MACC1: variants seen among roughly 807,000 people sequenced by gnomAD.
MACC1 encodes the protein metastasis-associated in colon cancer protein 1.
A neutral mutation model predicts 70.7 loss-of-function variants in MACC1; 79 were observed. The observed-to-expected ratio is 1.12, with a 90% CI of 0.93 to 1.35. The LOEUF is 1.35. Among genes scored for constraint, MACC1 ranks in the 40% most tolerant of loss-of-function variants. MACC1 has a pLI of 0.00. For synonymous variants in MACC1, 361 were observed against 347.2 expected (o/e 1.04, Z -0.44); for missense variants, 1,106 against 978.1 (o/e 1.13, Z -1.74).
chr7:20,200,482 G>A (rs537796189), intron 1 of MACC1, among the ~76,000 whole-genome samples: 2 of 152,208 alleles, frequency 1.3e-5, no homozygotes, highest in African/African-American at 2.4e-5. Context: ...AATCCTGGAA[G>A]AGAAAGTAAA....
At chr7:20,188,121 T>G (rs1211251504) in intron 1 of MACC1, among the ~76,000 whole-genome samples, 1 of 152,098 alleles carries the variant, frequency 6.6e-6, no homozygotes, top group East Asian at 1.9e-4. Flanking sequence ...TCACTCACTA[T>G]CTCAAGAAGA....
chr7:20,200,317 A>C (rs1430729180), intron 1 of MACC1, among the ~76,000 whole-genome samples: 1 of 152,192 alleles, frequency 6.6e-6, no homozygotes, highest in Non-Finnish European at 1.5e-5. Flanking sequence ...ATAAAGAGAT[A>C]ACAGTTATAT....
chr7:20,200,623 A>C (rs1782820253), intron 1 of MACC1, among the ~76,000 whole-genome samples: 1 of 152,264 alleles, frequency 6.6e-6, no homozygotes, highest in Admixed American at 6.5e-5. Flanking sequence ...GGGATGAAGT[A>C]ATGCACTCAA....
At chr7:20,210,347 T>A (rs1335774112) in intron 1 of MACC1, among the ~76,000 whole-genome samples, 1 of 152,208 alleles carries the variant, frequency 6.6e-6, no homozygotes, top group African/African-American at 2.4e-5. Flanking sequence ...ATCCACAGCC[T>A]AGGTTAGGCA....
chr7:20,158,848 GA>G lies in MACC1; in HGVS notation c.1512del (p.Pro505LeufsTer7). 2.5e-6 allele frequency: 4 copies of G among 1,613,656 alleles called. No homozygotes were observed. Among genetic ancestry groups the G allele is most frequent in the Non-Finnish European group, 3.4e-6 (4 of 1,179,692 alleles). The stretch of plus-strand genomic sequence containing the variant: ...CTTTTTAGGTTTGGGGTTGGATCAG[GA>G]GTAGTGATAGAGAACTGTGCAACTG... ...GEPVAQFSIT[T>X]PDPTPNLKRL... is the part of the protein sequence containing the mutation. On this transcript the variant is annotated frameshift_variant, in exon 5 of 7. Transcript: ENST00000400331. LOFTEE classifies it high-confidence loss of function.
chr7:20,204,901 G>A (rs1004165889), intron 1 of MACC1, among the ~76,000 whole-genome samples: 5 of 152,160 alleles, frequency 3.3e-5, no homozygotes, highest in African/African-American at 4.8e-5. Context: ...CCAGTGAGCA[G>A]AGATTGTACA....
Position 20,160,135 on chromosome 7 carries a change from G to A in MACC1, c.226C>T (p.Pro76Ser). The A allele has an allele frequency of 6.2e-7, 1 of 1,613,294 alleles. No individual in the cohort carries two copies. Among genetic ancestry groups the A allele is most frequent in the Non-Finnish European group, 8.5e-7 (1 of 1,179,796 alleles). ...PFWNQLSASN[P>S]FLDDITQLRN... Reference sequence around the variant, plus strand: ...AGTTGAGTTATGTCATCCAAAAATGGGTTAGAAGCAGACAGTTGATTCCAG... The same window carrying A: ...AGTTGAGTTATGTCATCCAAAAATGAGTTAGAAGCAGACAGTTGATTCCAG... The change falls in exon 5 of 7, where the codon CCA becomes TCA. Residue 76 changes from proline to serine, a missense_variant. Pro to Ser is a moderately conservative substitution (Grantham distance 74). Transcript: ENST00000400331.
At chr7:20,147,701 A>T (rs972995387) in intron 6 of MACC1, among the ~76,000 whole-genome samples, 2 of 152,196 alleles carry the variant, frequency 1.3e-5, no homozygotes, top group African/African-American at 4.8e-5. Flanking sequence ...ACTTGACACA[A>T]GATTCCATTG....
At chr7:20,149,362 TA>T (rs1450750550) in intron 6 of MACC1, among the ~76,000 whole-genome samples, 1 of 152,202 alleles carries the variant, frequency 6.6e-6, no homozygotes, top group African/African-American at 2.4e-5. Flanking sequence ...TCCTCTTCAT[TA>T]AAATAATAAA....
At chr7:20,149,583 A>C (rs1341036203) in intron 6 of MACC1, among the ~76,000 whole-genome samples, 2 of 152,192 alleles carry the variant, frequency 1.3e-5, no homozygotes, top group African/African-American at 2.4e-5. Context: ...AGTCCAGCCA[A>C]GAATCTTAAC....
At chr7:20,165,182 A>G (rs1782195258) in intron 2 of MACC1, among the ~76,000 whole-genome samples, 1 of 152,130 alleles carries the variant, frequency 6.6e-6, no homozygotes, top group Non-Finnish European at 1.5e-5. Flanking sequence ...TTGTTCCAAA[A>G]CTCAGTGGCA....
chr7:20,210,484 G>A (rs1253206497), intron 1 of MACC1, among the ~76,000 whole-genome samples: 1 of 152,138 alleles, frequency 6.6e-6, no homozygotes, highest in African/African-American at 2.4e-5. Context: ...GCAAAATACA[G>A]GTAAAATACA....
chr7:20,147,806 C>A (rs1186661229), intron 6 of MACC1, among the ~76,000 whole-genome samples: 2 of 152,142 alleles, frequency 1.3e-5, no homozygotes, highest in Non-Finnish European at 2.9e-5. Context: ...GACAGAGGAC[C>A]TATTCCTTGC....
chr7:20,181,740 C>G (rs3114467), intron 1 of MACC1, among the ~76,000 whole-genome samples: 50,335 of 151,920 alleles, frequency 0.33, 9,718 homozygotes, highest in East Asian at 0.83. Context: ...TTCCATATTA[C>G]TGTTAATTTC....
In MACC1 at chr7:20,158,536, C is replaced by A. The variant is rs1782088526; in HGVS notation, c.1825G>T (p.Val609Leu). Residue 609 changes from valine to leucine, a missense_variant, in exon 5 of 7, where the codon GTA (valine) becomes TTA (leucine). By Grantham distance (32) the Val-to-Leu change is conservative. Transcript: ENST00000400331. The part of the protein sequence containing the change: ...VGVLRGKIGL[V>L]HCKNVKVISK... ...ATCACCTTGACATTTTTGCAGTGTA[C>A]AAGTCCAATCTTACCTCTGAGGACT... 1 of 1,613,968 alleles carries A rather than the reference C, an allele frequency of 6.2e-7. No individual in the cohort carries two copies. The highest frequency in any genetic ancestry group is 8.5e-7 in the Non-Finnish European group (1 of 1,179,996).
intron 1 of MACC1, among the ~76,000 whole-genome samples, chr7:20,213,506 C>T (rs1783027574): frequency 6.6e-6 from 1 of 152,014 alleles, no homozygotes; most frequent in African/African-American, 2.4e-5. Context: ...TTCACAATGG[C>T]AAAGACATGG....
At chr7:20,182,123 T>C (rs1319654450) in intron 1 of MACC1, among the ~76,000 whole-genome samples, 2 of 135,270 alleles carry the variant, frequency 1.5e-5, no homozygotes, top group African/African-American at 5.7e-5. Flanking sequence ...TTCTCACTCA[T>C]AGGTGGGAAT....
At chr7:20,209,214 A>G (rs1246115761) in intron 1 of MACC1, among the ~76,000 whole-genome samples, 1 of 152,240 alleles carries the variant, frequency 6.6e-6, no homozygotes, top group Non-Finnish European at 1.5e-5. Flanking sequence ...AGCTGTGAGA[A>G]GAGGGCTACT....
In MACC1 at chr7:20,141,096, G is replaced by C; in HGVS notation, c.2409C>G (p.Tyr803Ter). Residue 803 changes from tyrosine (Y) to a stop codon, truncating the protein, a stop_gained, in exon 7 of 7, where the codon TAC (tyrosine) becomes TAG (stop). Coordinates refer to ENST00000400331, the MANE Select transcript of MACC1 (RefSeq NM_182762.4). LOFTEE classifies it high-confidence loss of function. ...YTWSAHYGNN[Y>*]RDVLQDLQSA... Reference sequence around the variant, plus strand: ...ACTGAAGGTCTTGTAACACATCTCTGTAGTTATTTCCATAGTGAGCACTCC... The same window carrying C: ...ACTGAAGGTCTTGTAACACATCTCTCTAGTTATTTCCATAGTGAGCACTCC... 1 of 1,613,178 alleles carries C rather than the reference G, an allele frequency of 6.2e-7. No homozygotes were observed. The highest frequency in any genetic ancestry group is 1.3e-5 in the African/African-American group (1 of 75,012).
Sources: allele counts gnomAD v4.1 joint callset (sites outside exome capture counted in the v4.1 genomes callset), GRCh38; gene constraint gnomAD v4.1.1; transcripts MANE v1.5; gene names NCBI Gene and HGNC (gene_info 2026-07-23, HGNC 2026-07-21).